ANK3: variants seen among roughly 807,000 people sequenced by gnomAD.
ANK3 encodes the protein ankyrin-3.
Under a neutral mutation model 370.9 loss-of-function variants are expected in ANK3, and 57 were observed. The ratio of observed to expected loss-of-function variants is 0.15; its 90% CI spans 0.12 to 0.19. The LOEUF (loss-of-function observed/expected upper bound fraction) is 0.19, where lower values mean the gene tolerates loss of function less well. ANK3 is among the 10% of genes least tolerant of loss of function. The pLI is 1.00. For synonymous variants in ANK3, 1,929 were observed against 1,946.3 expected (o/e 0.99, Z 0.23); for missense variants, 4,439 against 5,302.1 (o/e 0.84, Z 5.06).
At position 60,072,934 on chromosome 10, in the gene ANK3, T is replaced by G. The variant is rs2083029925; in HGVS notation, c.7947A>C (p.Ala2649=). 5 of 1,614,114 alleles carry G rather than the reference T, an allele frequency of 3.1e-6. No individual in the cohort carries two copies. In the East Asian group the frequency reaches 1.1e-4, roughly 36 times the overall value. Residue 2649 remains alanine, a synonymous_variant, in exon 37 of 44, where the codon GCA becomes GCC. Coordinates refer to ENST00000280772, the MANE Select transcript of ANK3 (RefSeq NM_020987.5). ...CTTGTCCATCAGGGCCATGCTGTCTTGCCTTAACCCACTCATCATTGGATG... is the reference window on the plus strand; with the variant it reads ...CTTGTCCATCAGGGCCATGCTGTCTGGCCTTAACCCACTCATCATTGGATG... ...LLASNDEWVK[A]RQHGPDGQGF...
chr10:60,694,094 T>C (rs1434559172), intron 1 of ANK3, among the ~76,000 whole-genome samples: 1 of 151,748 alleles, frequency 6.6e-6, no homozygotes, highest in Non-Finnish European at 1.5e-5. Context: ...GAGAACTATG[T>C]GAAGAATGCA....
chr10:60,356,671 A>G (rs564717119), intron 1 of ANK3, among the ~76,000 whole-genome samples: 7 of 152,264 alleles, frequency 4.6e-5, no homozygotes, highest in African/African-American at 1.4e-4. Flanking sequence ...CCCCTTGATC[A>G]CTATCAAAAG....
At chr10:60,367,720 CCTGCTGCA>C (rs2059578294) in intron 1 of ANK3, among the ~76,000 whole-genome samples, 1 of 152,214 alleles carries the variant, frequency 6.6e-6, no homozygotes. Context: ...TTCATTTCCC[CCTGCTGCA>C]CTGCAGATCT....
chr10:60,145,689 A>G (rs1309918043), intron 23 of ANK3, among the ~76,000 whole-genome samples: 1 of 152,222 alleles, frequency 6.6e-6, no homozygotes, highest in Non-Finnish European at 1.5e-5. Context: ...ATAGGATTCA[A>G]AATCAGTTGC....
intron 2 of ANK3, among the ~76,000 whole-genome samples, chr10:60,479,226 T>C (rs929543705): frequency 6.6e-6 from 1 of 152,152 alleles, no homozygotes; most frequent in African/African-American, 2.4e-5. Flanking sequence ...ATAAACCACA[T>C]ATATGATGGT....
At chr10:60,352,699 A>G (rs779913167) in intron 1 of ANK3, among the ~76,000 whole-genome samples, 4 of 152,138 alleles carry the variant, frequency 2.6e-5, no homozygotes, top group Non-Finnish European at 5.9e-5. Flanking sequence ...CCTTACTTTC[A>G]TTCCCAAAAG....
At chr10:60,294,999 C>T (rs186318580) in intron 1 of ANK3, among the ~76,000 whole-genome samples, 14 of 152,190 alleles carry the variant, frequency 9.2e-5, no homozygotes, top group African/African-American at 2.4e-4. Context: ...TTAAGGTAAC[C>T]GCTGGACTCT....
chr10:60,667,899 C>T (rs1419816849), intron 1 of ANK3, among the ~76,000 whole-genome samples: 1 of 151,536 alleles, frequency 6.6e-6, no homozygotes, highest in Non-Finnish European at 1.5e-5. Flanking sequence ...AACAGAATCA[C>T]TCAGAAGGCT....
At chr10:60,428,562 G>A (rs1432992660) in intron 2 of ANK3, among the ~76,000 whole-genome samples, 1 of 152,162 alleles carries the variant, frequency 6.6e-6, no homozygotes, top group Non-Finnish European at 1.5e-5. Context: ...TAAGGCAGAC[G>A]CCACAGCCCT....
chr10:60,609,343 C>T (rs1044049378), intron 2 of ANK3, among the ~76,000 whole-genome samples: 1 of 152,098 alleles, frequency 6.6e-6, no homozygotes, highest in Non-Finnish European at 1.5e-5. Context: ...ATACTGCCCT[C>T]CAGATGGAGG....
chr10:60,374,259 A>C (rs1188968949), intron 1 of ANK3, among the ~76,000 whole-genome samples: 1 of 152,106 alleles, frequency 6.6e-6, no homozygotes, highest in Non-Finnish European at 1.5e-5. Flanking sequence ...ATTCCAAATC[A>C]ATACCTGTGA....
At chr10:60,410,500 A>G (rs913777576) in intron 2 of ANK3, among the ~76,000 whole-genome samples, 1 of 152,180 alleles carries the variant, frequency 6.6e-6, no homozygotes, top group Non-Finnish European at 1.5e-5. Flanking sequence ...GACGTAACCA[A>G]AAGAACATTC....
rs540690850 is a variant in ANK3 at position 60,687,987 on chromosome 10, T to C, written c.57+45276A>G. 3.9e-5 allele frequency among the ~76,000 whole-genome samples: 6 copies of C among 152,266 alleles called. No homozygotes were observed. The South Asian group carries it at 1.0e-3, about 26-fold the overall frequency. The stretch of plus-strand genomic sequence containing the variant: ...AGACACAAACATTTCATGATTCCAC[T>C]TACATGAGGCACCTAAAATAGTGAA... On this transcript the variant is annotated intron_variant, in intron 1 of 43. Transcript: ENST00000373827.
chr10:60,191,050 G>T (rs915720034), intron 16 of ANK3, among the ~76,000 whole-genome samples: 1 of 151,992 alleles, frequency 6.6e-6, no homozygotes, highest in Non-Finnish European at 1.5e-5. Flanking sequence ...GAATGAAACT[G>T]GACCCATAAC....
In ANK3 at chr10:60,172,749, G is replaced by A. The variant is rs2095827192; in HGVS notation, c.2382+151C>T. On this transcript the variant is annotated intron_variant, in intron 20 of 43. Coordinates refer to ENST00000280772, the MANE Select transcript of ANK3 (RefSeq NM_020987.5). The stretch of plus-strand genomic sequence containing the variant: ...CATCTCTCTCTCTCTGAACAGCTCA[G>A]AACAATATGGTTATTGTCCTTCTTT... The A allele has an allele frequency of 4.8e-6, 3 of 623,056 alleles. No homozygotes were observed. The African/African-American group carries it at 5.5e-5, about 11-fold the overall frequency. The allele number at this position is 623,056 out of a possible 1,614,324, so 38.6% of individuals were successfully genotyped here.
chr10:60,340,045 T>C (rs1173401569), intron 1 of ANK3, among the ~76,000 whole-genome samples: 1 of 152,218 alleles, frequency 6.6e-6, no homozygotes, highest in African/African-American at 2.4e-5. Flanking sequence ...TACTTTCTCA[T>C]TTAATTCTCA....
At chr10:60,612,645 C>T (rs1025136097) in intron 2 of ANK3, among the ~76,000 whole-genome samples, 4 of 152,204 alleles carry the variant, frequency 2.6e-5, no homozygotes, top group African/African-American at 9.7e-5. Context: ...GCGCTTGCCA[C>T]CATGCCCGGC....
intron 2 of ANK3, among the ~76,000 whole-genome samples, chr10:60,504,051 C>A (rs1395941999): frequency 6.6e-6 from 1 of 152,036 alleles, no homozygotes; most frequent in Non-Finnish European, 1.5e-5. Flanking sequence ...AAGAGGGAAC[C>A]AAATGGATAC....
chr10:60,166,193 G>A (rs997067679), intron 23 of ANK3, among the ~76,000 whole-genome samples: 2 of 151,804 alleles, frequency 1.3e-5, no homozygotes, highest in African/African-American at 4.8e-5. Context: ...AAATCTCAGG[G>A]CATTTAAAAG....
Sources: allele counts gnomAD v4.1 joint callset (sites outside exome capture counted in the v4.1 genomes callset), GRCh38; gene constraint gnomAD v4.1.1; transcripts MANE v1.5; gene names NCBI Gene and HGNC (gene_info 2026-07-23, HGNC 2026-07-21).